Variants in ECM2 observed in about 807,000 individuals in gnomAD.
The protein encoded by ECM2 is extracellular matrix protein 2, female organ and adipocyte specific.
ECM2 carries 57 observed loss-of-function variants against 67.5 expected under a neutral mutation model. That is an observed-to-expected ratio of 0.84 (90% CI 0.68 to 1.05). The LOEUF is 1.05. Ranked by LOEUF, ECM2 falls within the 50% of genes least tolerant of loss-of-function variation. ECM2 has a pLI of 0.00. For missense variants in ECM2, 741 were observed against 822.8 expected (o/e 0.90, Z 1.22); for synonymous variants, 258 against 294.5 (o/e 0.88, Z 1.27).
At chr9:92,552,165 TATGTGATATGATAGATCTATCATATACAC>T in the ECM2 span, among the ~76,000 whole-genome samples, 23 of 130,812 alleles carry the variant, frequency 1.8e-4, no homozygotes, top group African/African-American at 7.4e-4. Flanking sequence ...CTATCATATA[TATGTGATATGATAGATCTATCATATACAC>T]ACACACACAC....
intron 3 of ECM2, 128 bp downstream of exon 3, chr9:92,517,559 T>A: frequency 8.0e-7 from 1 of 1,247,274 alleles, no homozygotes; most frequent in Non-Finnish European, 1.1e-6. Flanking sequence ...TAATCAGCAT[T>A]TTGCCAATAT....
At chr9:92,519,341 G>A (rs1428919291) in intron 2 of ECM2, among the ~76,000 whole-genome samples, 1 of 152,160 alleles carries the variant, frequency 6.6e-6, no homozygotes, top group Non-Finnish European at 1.5e-5. Flanking sequence ...TGGAAAAGTT[G>A]ATCCCACATA....
At chr9:92,536,858 C>A (rs1195627085), upstream of ECM2, among the ~76,000 whole-genome samples, 1 of 142,810 alleles carries the variant, frequency 7.0e-6, no homozygotes, top group Non-Finnish European at 1.5e-5. Context: ...AATTTTAGAA[C>A]TATTTTTTAA....
At chr9:92,552,191 A>ATATGTGATATGATAGAT in the ECM2 span, among the ~76,000 whole-genome samples, 6 of 49,618 alleles carry the variant, frequency 1.2e-4, no homozygotes, top group African/African-American at 1.5e-3. Context: ...TCTATCATAT[A>ATATGTGATATGATAGAT]CACACACACA....
At chr9:92,530,458 A>G (rs1436931016) in intron 1 of ECM2, among the ~76,000 whole-genome samples, 1 of 152,234 alleles carries the variant, frequency 6.6e-6, no homozygotes, top group Non-Finnish European at 1.5e-5. Flanking sequence ...ATAAAAAGTA[A>G]TTAATATTTT....
At chr9:92,502,428 T>C (rs1462404408) in intron 8 of ECM2, 85 bp downstream of exon 8, 3 of 1,506,138 alleles carry the variant, frequency 2.0e-6, no homozygotes, top group Non-Finnish European at 2.7e-6. Flanking sequence ...CCCTCACTTA[T>C]CCCATTCCCA....
At chr9:92,554,307 C>T in the ECM2 span, among the ~76,000 whole-genome samples, 1 of 152,000 alleles carries the variant, frequency 6.6e-6, no homozygotes, top group Non-Finnish European at 1.5e-5. Flanking sequence ...CCTCAGCTTC[C>T]CCAGTAGCTG....
At chr9:92,521,976 C>G (rs1848095697) in intron 2 of ECM2, among the ~76,000 whole-genome samples, 3 of 152,300 alleles carry the variant, frequency 2.0e-5, no homozygotes, top group African/African-American at 7.2e-5. Context: ...AAAATGATAA[C>G]TATGATTTTG....
At chr9:92,523,765 G>T (rs1848218752) in intron 1 of ECM2, among the ~76,000 whole-genome samples, 1 of 152,226 alleles carries the variant, frequency 6.6e-6, no homozygotes, top group Non-Finnish European at 1.5e-5. Context: ...CCACATTTCA[G>T]TGTTTCAGAG....
chr9:92,526,997 A>G (rs1021892133), intron 1 of ECM2, among the ~76,000 whole-genome samples: 1 of 148,246 alleles, frequency 6.7e-6, no homozygotes, highest in Admixed American at 6.7e-5. Flanking sequence ...ATGTGTAGAT[A>G]TGTTTATTAT....
At position 92,517,730 on chromosome 9, in the gene ECM2, T is replaced by C. The variant is rs1166267704; in HGVS notation, c.438A>G (p.Thr146=). 1.9e-6 allele frequency: 3 copies of C among 1,614,200 alleles called. No individual in the cohort carries two copies. The stretch of plus-strand genomic sequence containing the variant: ...GGCAGCATTCCCCTTCAGGTATAAC[T>C]GTTTGGGGGCACCTCTGGGGATGGC... The part of the protein sequence containing the change: ...TMCHPQRCPQ[T]VIPEGECCPV... Residue 146 remains threonine, a synonymous_variant, in exon 3 of 10, where the codon ACA becomes ACG. Coordinates refer to ENST00000344604, the MANE Select transcript of ECM2 (RefSeq NM_001393.4).
downstream of ECM2, chr9:92,493,828 A>G (rs958171109): frequency 5.1e-5 from 14 of 272,572 alleles, no homozygotes; most frequent in African/African-American, 2.9e-4. Flanking sequence ...AGCTTCAATC[A>G]GTCATTCTGA....
intron 2 of ECM2, among the ~76,000 whole-genome samples, chr9:92,518,227 G>A (rs1200297784): frequency 6.6e-6 from 1 of 152,156 alleles, no homozygotes; most frequent in Non-Finnish European, 1.5e-5. Context: ...CTAATGTGGG[G>A]ACACAGGGGC....
At chr9:92,544,705 A>T in the ECM2 span, among the ~76,000 whole-genome samples, 2 of 140,132 alleles carry the variant, frequency 1.4e-5, no homozygotes, top group African/African-American at 2.9e-5. Flanking sequence ...AATTGTTATC[A>T]CTATAAATTT....
the ECM2 span, among the ~76,000 whole-genome samples, chr9:92,547,713 A>G: frequency 6.6e-6 from 1 of 152,248 alleles, no homozygotes; most frequent in Non-Finnish European, 1.5e-5. Flanking sequence ...TGGAGTGACT[A>G]AAATGTTCTA....
intron 9 of ECM2, 75 bp from the exon 10 acceptor site, chr9:92,496,558 G>T: frequency 1.3e-6 from 2 of 1,536,584 alleles, no homozygotes; most frequent in Non-Finnish European, 1.7e-6. Context: ...TTTAACATTT[G>T]TTAAAAAAAT....
the ECM2 span, among the ~76,000 whole-genome samples, chr9:92,548,836 C>A: frequency 3.3e-5 from 5 of 152,132 alleles, no homozygotes; most frequent in South Asian, 6.2e-4. Context: ...AAATTCAAAT[C>A]AAAATCCTAG....
At chr9:92,501,244 CA>C (rs1846654656) in intron 8 of ECM2, among the ~76,000 whole-genome samples, 191 bp from the exon 9 acceptor site, 1 of 152,096 alleles carries the variant, frequency 6.6e-6, no homozygotes, top group African/African-American at 2.4e-5. Flanking sequence ...ATGTCCTTAC[CA>C]GGGTGCCATA....
chr9:92,525,805 G>A (rs1019726227), intron 1 of ECM2, among the ~76,000 whole-genome samples: 1 of 148,394 alleles, frequency 6.7e-6, no homozygotes, highest in Admixed American at 6.9e-5. Context: ...CAGAAGAATC[G>A]CTTAAACCCG....
Sources: gnomAD v4.1 joint callset for allele counts (sites outside exome capture counted in the v4.1 genomes callset) on GRCh38, gnomAD v4.1.1 for gene constraint, MANE v1.5 for transcripts, NCBI Gene and HGNC (gene_info 2026-07-23, HGNC 2026-07-21) for gene names.